The following ZBP1 variants were observed in gnomAD, a reference collection of about 807,000 sequenced individuals.
ZBP1 encodes Z-DNA binding protein 1, also known as Z-DNA-binding protein 1.
In ZBP1, 42 loss-of-function variants were observed where a neutral mutation model predicts 41.1. The observed-to-expected ratio is 1.02, with a 90% CI of 0.80 to 1.32. The LOEUF is 1.32. Among genes scored for constraint, ZBP1 ranks in the 40% most tolerant of loss-of-function variants. The pLI is 0.00. For synonymous variants in ZBP1, 214 were observed against 205.2 expected (o/e 1.04, Z -0.37); for missense variants, 562 against 549.7 (o/e 1.02, Z -0.22).
intron 1 of ZBP1, among the ~76,000 whole-genome samples, chr20:57,618,792 GCTGGTGTCAAA>G (rs2070916380): frequency 6.6e-6 from 1 of 152,090 alleles, no homozygotes; most frequent in African/African-American, 2.4e-5. Flanking sequence ...TTTTGGCCAG[GCTGGTGTCAAA>G]CTCCTGACCT....
rs747151064 is a variant in ZBP1, at chr20:57,607,324, G to A, written c.1094-2555C>T. On this transcript the variant is annotated intron_variant, in intron 7 of 7. Coordinates refer to ENST00000371173, the MANE Select transcript of ZBP1 (RefSeq NM_030776.3). ...AACTGCAAATGTGGTGGAAATAGCA[G>A]GAAAACACAAATTAGAAGTGGAATA... is the stretch of plus-strand genomic sequence containing the variant. 1.0e-5 allele frequency: 13 copies of A among 1,280,772 alleles called. No individual in the cohort carries two copies. In the South Asian group the frequency reaches 1.7e-4, roughly 17 times the overall value. 79.3% of individuals were successfully genotyped at this position (1,280,772 alleles called of 1,614,324 possible). A position where few individuals can be genotyped will look rare whatever the true frequency, so the allele number is the denominator to read the frequency against.
chr20:57,620,231 C>T (rs372216872), intron 1 of ZBP1, 31 bp downstream of exon 1: 60 of 1,570,932 alleles, frequency 3.8e-5, no homozygotes, highest in African/African-American at 2.3e-4. Context: ...CGGGAGCTAC[C>T]GCTGGTCCTT....
intron 1 of ZBP1, 156 bp from the exon 2 acceptor site, chr20:57,616,624 G>T: frequency 1.5e-6 from 1 of 685,558 alleles, no homozygotes. Context: ...CCCCCTAAGA[G>T]CAGTAGGGCA....
In ZBP1 at chr20:57,614,868, C is replaced by T. The variant is rs1568936649; in HGVS notation, c.502+19G>A. 1 of 1,613,490 alleles carries T rather than the reference C, an allele frequency of 6.2e-7. No individual in the cohort carries two copies. The highest frequency in any genetic ancestry group is 8.5e-7 in the Non-Finnish European group (1 of 1,179,576). On this transcript the variant is annotated intron_variant, in intron 4 of 7. Coordinates refer to ENST00000371173, the MANE Select transcript of ZBP1 (RefSeq NM_030776.3). ...ATGGTTTCCCTCTGCAGCCCAGACACAGGCAGCCGGGGGCCTACCTGGGCG... is the reference window on the plus strand; with the variant it reads ...ATGGTTTCCCTCTGCAGCCCAGACATAGGCAGCCGGGGGCCTACCTGGGCG...
intron 7 of ZBP1, among the ~76,000 whole-genome samples, chr20:57,608,324 G>A (rs147670464): frequency 0.018 from 2,785 of 152,266 alleles, 83 homozygotes; most frequent in African/African-American, 0.063. Context: ...GGGTTTCACC[G>A]TGTTAGCCAG....
intron 2 of ZBP1, 93 bp from the exon 3 acceptor site, chr20:57,615,673 G>A (rs1337502822): frequency 1.8e-5 from 19 of 1,077,762 alleles, no homozygotes; most frequent in East Asian, 1.3e-4. Flanking sequence ...AGGGGTAAGT[G>A]GCAATGCCGG....
chr20:57,610,170 C>A lies in ZBP1; in HGVS notation c.1072G>T (p.Gly358Trp). The change falls in exon 7 of 8, where the codon GGG becomes TGG. Residue 358 changes from glycine (G) to tryptophan (W), a missense_variant. Coordinates refer to ENST00000371173, the MANE Select transcript of ZBP1 (RefSeq NM_030776.3). The surrounding 1 kb of genome is among the most constrained non-coding windows in gnomAD (Gnocchi z 5.5). ...GPGGVAGSGE[G>W]EPGEDAGRRP... ...TCACCTGCGTCCTCCCCTGGCTCCCCCTCTCCAGACCCTGCGACTCCTCCT... is the reference window on the plus strand; with the variant it reads ...TCACCTGCGTCCTCCCCTGGCTCCCACTCTCCAGACCCTGCGACTCCTCCT... 1 of 1,613,992 alleles carries A rather than the reference C, an allele frequency of 6.2e-7. No homozygotes were observed. The highest frequency in any genetic ancestry group is 1.3e-5 in the African/African-American group (1 of 75,008).
At position 57,610,415 on chromosome 20, in the gene ZBP1, T is replaced by G. The variant is rs767480347; in HGVS notation, c.875-48A>C. On this transcript the variant is annotated intron_variant, in intron 6 of 7. Coordinates refer to ENST00000371173, the MANE Select transcript of ZBP1 (RefSeq NM_030776.3). The surrounding 1 kb of genome is among the most constrained non-coding windows in gnomAD (Gnocchi z 5.5). ...CCTGGAGCCAGGAGCAGCTGGACAG[T>G]GGCCGGGAACCCTGACCCCCAGCCT... The G allele has an allele frequency of 1.6e-5, 25 of 1,601,102 alleles. No individual in the cohort carries two copies. In the Admixed American group the frequency reaches 3.8e-4, roughly 25 times the overall value.
Position 57,610,525 on chromosome 20 carries a change from C to A in ZBP1, c.875-158G>T, listed in dbSNP as rs565174408. Reference sequence around the variant, plus strand: ...TGTGCCTGCCCGCCACACCTCCACCCGCCACACCTCCGCTCGTGCTGTTGT... The same window carrying A: ...TGTGCCTGCCCGCCACACCTCCACCAGCCACACCTCCGCTCGTGCTGTTGT... On this transcript the variant is annotated intron_variant, in intron 6 of 7. Transcript: ENST00000371173. This position sits in a 1 kb window ranked among gnomAD's most constrained non-coding sequence, Gnocchi z 5.5. 7.4e-6 allele frequency: 5 copies of A among 678,898 alleles called. No homozygotes were observed. Among genetic ancestry groups the A allele is most frequent in the East Asian group, 2.7e-5 (1 of 36,834 alleles). The allele number at this position is 678,898 out of a possible 1,614,324, so 42.1% of individuals were successfully genotyped here.
Position 57,605,531 on chromosome 20 carries a change from A to G in ZBP1, c.1094-762T>C, listed in dbSNP as rs138181783. 8.5e-4 allele frequency among the ~76,000 whole-genome samples: 130 copies of G among 152,302 alleles called. 1 individual carries two copies. Among genetic ancestry groups the G allele is most frequent in the African/African-American group, 3.0e-3 (124 of 41,542 alleles). ...AGAAGATGACGAAGTTAATTAATAA[A>G]TCTGTGTGCTCTAACCTGTCACTGA... is the stretch of plus-strand genomic sequence containing the variant. On this transcript the variant is annotated intron_variant, in intron 7 of 7. Coordinates refer to ENST00000371173, the MANE Select transcript of ZBP1 (RefSeq NM_030776.3).
rs558461050 is a variant in ZBP1, at chr20:57,610,586, C to T, written c.875-219G>A. 1.2e-4 allele frequency: 71 copies of T among 595,742 alleles called. No individual in the cohort carries two copies. The highest frequency in any genetic ancestry group is 9.0e-4 in the Middle Eastern group (2 of 2,232). The allele number at this position is 595,742 out of a possible 1,614,324, so 36.9% of individuals were successfully genotyped here. A position where few individuals can be genotyped will look rare whatever the true frequency, so the allele number is the denominator to read the frequency against. On this transcript the variant is annotated intron_variant, in intron 6 of 7. Transcript: ENST00000371173. This position sits in a 1 kb window ranked among gnomAD's most constrained non-coding sequence, Gnocchi z 5.5. ...AAGCGTCTTTCTGCTCCACTGATCC[C>T]GCAGTGGGTCTGCCCCACTGATCCC...
rs753773583 is a variant in ZBP1 at position 57,604,621 on chromosome 20, A to G, written c.1242T>C (p.Tyr414=). 3 of 1,614,146 alleles carry G rather than the reference A, an allele frequency of 1.9e-6. No individual in the cohort carries two copies. Among genetic ancestry groups the G allele is most frequent in the East Asian group, 4.5e-5 (2 of 44,880 alleles). The change falls in exon 8 of 8, where the codon TAT becomes TAC. Residue 414 remains tyrosine, a synonymous_variant. Coordinates refer to ENST00000371173, the MANE Select transcript of ZBP1 (RefSeq NM_030776.3). ...RSHKAAEGSH[Y]VDEASHEGSW... Reference sequence around the variant, plus strand: ...TCCCCTCGTGTGAGGCTTCATCCACATAGTGGCTGCCTTCTGCAGCTTTGT... The same window carrying G: ...TCCCCTCGTGTGAGGCTTCATCCACGTAGTGGCTGCCTTCTGCAGCTTTGT...
At chr20:57,612,080 A>AG in intron 5 of ZBP1, 150 bp from the exon 6 acceptor site, 1 of 889,450 alleles carries the variant, frequency 1.1e-6, no homozygotes, top group Non-Finnish European at 1.7e-6. Flanking sequence ...AGAGAGCAAG[A>AG]GGACCTGGCG....
At chr20:57,615,175 T>G in intron 3 of ZBP1, 115 bp from the exon 4 acceptor site, 1 of 1,160,546 alleles carries the variant, frequency 8.6e-7, no homozygotes, top group Non-Finnish European at 1.2e-6. Context: ...TTTCCTCATC[T>G]GTAAAATGGG....
Position 57,611,879 on chromosome 20 carries a change from G to C in ZBP1, c.722C>G (p.Thr241Ser). 4 of 1,577,830 alleles carry C rather than the reference G, an allele frequency of 2.5e-6. No individual in the cohort carries two copies. Among genetic ancestry groups the C allele is most frequent in the Non-Finnish European group, 3.4e-6 (4 of 1,161,278 alleles). The stretch of plus-strand genomic sequence containing the variant: ...CCAGGGATCAACTAGGGTCCCCCAA[G>C]TTGAGGAATCACCTGGTGCCATTGA... Reference protein sequence around the residue: ...LPSMAPGDSSTWGTLVDPWGP... With the variant: ...LPSMAPGDSSSWGTLVDPWGP... The change falls in exon 6 of 8, where the codon ACT becomes AGT. Residue 241 changes from threonine to serine, a missense_variant. Coordinates refer to ENST00000371173, the MANE Select transcript of ZBP1 (RefSeq NM_030776.3).
rs1227833666 is a variant in ZBP1 at position 57,616,302 on chromosome 20, G to A, written c.201C>T (p.Cys67=). The A allele has an allele frequency of 1.9e-6, 3 of 1,614,076 alleles. No homozygotes were observed. In the African/African-American group the frequency reaches 4.0e-5, roughly 22 times the overall value. ...KVSLTSPATW[C]LGGTDPEGEG... Reference sequence around the variant, plus strand: ...CGCCTTCAGGATCAGTCCCGCCCAAGCACCAGGTGGCAGGGGATGTGAGGG... The same window carrying A: ...CGCCTTCAGGATCAGTCCCGCCCAAACACCAGGTGGCAGGGGATGTGAGGG... Residue 67 remains cysteine (C), a synonymous_variant, in exon 2 of 8, where the codon TGC becomes TGT. Transcript: ENST00000371173.
chr20:57,607,334 A>G (rs1169780175), intron 7 of ZBP1: 1 of 1,272,234 alleles, frequency 7.9e-7, no homozygotes, highest in Admixed American at 2.4e-5. Context: ...GGAAAACACA[A>G]ATTAGAAGTG....
intron 7 of ZBP1, chr20:57,606,964 G>A (rs751621797): frequency 3.3e-5 from 39 of 1,191,154 alleles, no homozygotes; most frequent in Non-Finnish European, 4.2e-5. Flanking sequence ...GGGCTCTGAT[G>A]GAGATGTAAA....
chr20:57,618,791 G>A (rs1405351863), intron 1 of ZBP1, among the ~76,000 whole-genome samples: 1 of 152,014 alleles, frequency 6.6e-6, no homozygotes, highest in Non-Finnish European at 1.5e-5. Flanking sequence ...TTTTTGGCCA[G>A]GCTGGTGTCA....
Sources: gnomAD v4.1 joint callset for allele counts (sites outside exome capture counted in the v4.1 genomes callset) on GRCh38, gnomAD v4.1.1 for gene constraint, Gnocchi (gnomAD v3.1) non-coding constraint, MANE v1.5 for transcripts, NCBI Gene and HGNC (gene_info 2026-07-23, HGNC 2026-07-21) for gene names.